Variants in FTCDNL1 observed in about 807,000 individuals in gnomAD.
FTCDNL1 encodes formiminotransferase N-terminal subdomain-containing protein.
FTCDNL1 carries 11 observed loss-of-function variants against 5.9 expected under a neutral mutation model. That is an observed-to-expected ratio of 1.87 (90% CI 1.18 to 3.10). The LOEUF (loss-of-function observed/expected upper bound fraction) is 3.10. Among genes scored for constraint, FTCDNL1 ranks in the 30% most tolerant of loss-of-function variants. FTCDNL1 has a pLI of 0.00. For missense variants in FTCDNL1, 115 were observed against 65.5 expected, an observed-to-expected ratio of 1.76 and a Z score of -2.61; for synonymous variants, 58 against 24.8, an observed-to-expected ratio of 2.34 and a Z score of -3.99.
chr2:199,721,812 G>C, the FTCDNL1 span, among the ~76,000 whole-genome samples: 1 of 152,034 alleles, frequency 6.6e-6, no homozygotes, highest in Non-Finnish European at 1.5e-5. Flanking sequence ...TTTAATAATC[G>C]TCATTCTGAC....
chr2:199,735,063 G>A, the FTCDNL1 span, among the ~76,000 whole-genome samples: 1 of 134,398 alleles, frequency 7.4e-6, no homozygotes, highest in Non-Finnish European at 1.5e-5. Flanking sequence ...TTCAGAAGAC[G>A]AGAATGTTCT....
intron 3 of FTCDNL1, among the ~76,000 whole-genome samples, chr2:199,824,697 T>C (rs1701911382): frequency 6.6e-6 from 1 of 152,302 alleles, no homozygotes; most frequent in Admixed American, 6.5e-5. Context: ...TCTCAGTAAA[T>C]AGGGAAACCC....
chr2:199,844,902 C>A (rs999783461), intron 3 of FTCDNL1, among the ~76,000 whole-genome samples: 1 of 151,814 alleles, frequency 6.6e-6, no homozygotes, highest in Admixed American at 6.6e-5. Context: ...AATAGATACA[C>A]AAACATAATT....
the FTCDNL1 span, among the ~76,000 whole-genome samples, chr2:199,724,333 C>G: frequency 7.9e-5 from 12 of 151,634 alleles, no homozygotes; most frequent in Non-Finnish European, 1.3e-4. Context: ...TTCAAAAAAC[C>G]CAGCTCCTGG....
chr2:199,824,862 G>A (rs1296140413), intron 3 of FTCDNL1, among the ~76,000 whole-genome samples: 17 of 152,196 alleles, frequency 1.1e-4, no homozygotes, highest in Admixed American at 1.1e-3. Context: ...TAGTGGCTGG[G>A]CATGATGGCT....
At chr2:199,751,879 AG>A in the FTCDNL1 span, among the ~76,000 whole-genome samples, 1 of 40,782 alleles carries the variant, frequency 2.5e-5, no homozygotes, top group African/African-American at 4.4e-5. Context: ...TGCCTGAATC[AG>A]GATTTTTTTT....
intron 3 of FTCDNL1, chr2:199,760,854 G>C (rs1051550020): frequency 2.8e-6 from 2 of 702,218 alleles, no homozygotes; most frequent in Non-Finnish European, 5.2e-6. Context: ...AAGGGAAGGA[G>C]AGATTAGTAT....
chr2:199,838,463 A>AAGC (rs1331438449), intron 3 of FTCDNL1, among the ~76,000 whole-genome samples: 1 of 152,196 alleles, frequency 6.6e-6, no homozygotes, highest in Non-Finnish European at 1.5e-5. Flanking sequence ...TTTTTTTCCC[A>AAGC]AGCATTAACT....
the FTCDNL1 span, among the ~76,000 whole-genome samples, chr2:199,731,521 T>C: frequency 1.3e-5 from 2 of 152,132 alleles, no homozygotes; most frequent in African/African-American, 2.4e-5. Context: ...AACATAACAG[T>C]TGTGCCCCCT....
intron 3 of FTCDNL1, among the ~76,000 whole-genome samples, chr2:199,795,107 T>C (rs1234798710): frequency 3.3e-5 from 5 of 152,140 alleles, no homozygotes; most frequent in Admixed American, 6.5e-5. Context: ...TAATAAAAAT[T>C]TGACTTGGAC....
intron 3 of FTCDNL1, among the ~76,000 whole-genome samples, chr2:199,820,654 A>G (rs564047368): frequency 6.6e-6 from 1 of 152,158 alleles, no homozygotes; most frequent in Non-Finnish European, 1.5e-5. Flanking sequence ...ATTGGAGATT[A>G]CTCTAAATGA....
At chr2:199,835,874 C>G (rs970560753) in intron 3 of FTCDNL1, among the ~76,000 whole-genome samples, 1 of 152,160 alleles carries the variant, frequency 6.6e-6, no homozygotes, top group African/African-American at 2.4e-5. Flanking sequence ...AACCCCTCAA[C>G]TTTGAGGCCC....
At chr2:199,664,537 A>T in the FTCDNL1 span, among the ~76,000 whole-genome samples, 1 of 152,236 alleles carries the variant, frequency 6.6e-6, no homozygotes, top group Non-Finnish European at 1.5e-5. Context: ...AGAAAAGCAT[A>T]AAATCCATTA....
chr2:199,736,339 T>C, the FTCDNL1 span, among the ~76,000 whole-genome samples: 176 of 152,320 alleles, frequency 1.2e-3, 1 homozygote, highest in African/African-American at 4.1e-3. Flanking sequence ...CCTTGGATCA[T>C]TTACCTGCCT....
chr2:199,773,949 G>T (rs1698936304), intron 3 of FTCDNL1, among the ~76,000 whole-genome samples: 1 of 152,224 alleles, frequency 6.6e-6, no homozygotes, highest in African/African-American at 2.4e-5. Flanking sequence ...GAACTTCTCA[G>T]TGATGCTGGT....
At position 199,819,721 on chromosome 2, in the gene FTCDNL1, C is replaced by T. The variant is rs1395883509; in HGVS notation, c.248G>A (p.Cys83Tyr). The T allele has an allele frequency of 1.4e-6, 1 of 702,286 alleles. No homozygotes were observed. Among genetic ancestry groups the T allele is most frequent in the Non-Finnish European group, 2.6e-6 (1 of 384,800 alleles). 43.5% of individuals were successfully genotyped at this position (702,286 alleles called of 1,614,324 possible). The stretch of plus-strand genomic sequence containing the variant: ...AGCTTCGCCAAAGAGAAACACGCTG[C>T]AGCCAGGAACATGCAGCACCAGATC... ...AEDLVLHVPG[C>Y]SVFLFGEADL... The change falls in exon 4 of 5, where the codon TGC (cysteine) becomes TAC (tyrosine). Residue 83 changes from cysteine to tyrosine, a missense_variant. Physicochemically the swap from Cys to Tyr is radical, Grantham distance 194. Coordinates refer to ENST00000420128, the MANE Select transcript of FTCDNL1 (RefSeq NM_001363886.2).
chr2:199,754,140 T>C, the FTCDNL1 span, among the ~76,000 whole-genome samples: 17 of 152,142 alleles, frequency 1.1e-4, no homozygotes, highest in Middle Eastern at 3.4e-3. Context: ...AGCCTGAAAA[T>C]TGTCCCCCAC....
chr2:199,751,907 T>C, the FTCDNL1 span, among the ~76,000 whole-genome samples: 1 of 151,938 alleles, frequency 6.6e-6, no homozygotes, highest in Non-Finnish European at 1.5e-5. Context: ...TTATTAGTCT[T>C]GGGGGGCCAG....
intron 3 of FTCDNL1, among the ~76,000 whole-genome samples, chr2:199,841,093 G>C (rs2076573564): frequency 6.6e-6 from 1 of 152,060 alleles, no homozygotes; most frequent in African/African-American, 2.4e-5. Flanking sequence ...AGAGGTTGCA[G>C]TGAGCCGGGA....
Sources: allele counts gnomAD v4.1 joint callset (sites outside exome capture counted in the v4.1 genomes callset), GRCh38; gene constraint gnomAD v4.1.1; transcripts MANE v1.5; gene names NCBI Gene and HGNC (gene_info 2026-07-23, HGNC 2026-07-21).